The following ZBTB44 variants were observed in gnomAD, a reference collection of about 807,000 sequenced individuals.
ZBTB44 encodes zinc finger and BTB domain-containing protein 44.
ZBTB44 carries 15 observed loss-of-function variants against 54.0 expected under a neutral mutation model. The observed-to-expected ratio is 0.28, with a 90% CI of 0.19 to 0.43. The LOEUF (loss-of-function observed/expected upper bound fraction) is 0.43, where lower values mean the gene tolerates loss of function less well. Ranked by LOEUF, ZBTB44 falls within the 20% of genes least tolerant of loss-of-function variation. The pLI is 1.00. For synonymous variants in ZBTB44, 230 were observed against 250.1 expected (o/e 0.92, Z 0.76); for missense variants, 487 against 707.1 (o/e 0.69, Z 3.53).
chr11:130,242,510 T>C (rs539128581), intron 2 of ZBTB44, among the ~76,000 whole-genome samples: 2 of 150,990 alleles, frequency 1.3e-5, no homozygotes, highest in Non-Finnish European at 2.9e-5. Flanking sequence ...AATGATTTGC[T>C]GATGATCAAT....
chr11:130,283,035 CTTTTTTTTT>C (rs531030883), intron 1 of ZBTB44, among the ~76,000 whole-genome samples: 26 of 102,416 alleles, frequency 2.5e-4, no homozygotes, highest in South Asian at 1.4e-3. Context: ...CCATTCTAAC[CTTTTTTTTT>C]TTTTTTTTTT....
At chr11:130,249,814 A>G (rs1216103148) in intron 2 of ZBTB44, among the ~76,000 whole-genome samples, 2 of 152,204 alleles carry the variant, frequency 1.3e-5, no homozygotes, top group African/African-American at 4.8e-5. Flanking sequence ...CCGGGTTTCA[A>G]GCACAAAACT....
chr11:130,283,811 C>CA lies in ZBTB44; in HGVS notation c.-56-21883dup, dbSNP rs1041385620. Among the ~76,000 whole-genome samples, 61 of 149,072 alleles carry CA rather than the reference C, an allele frequency of 4.1e-4. No homozygotes were observed. The East Asian group carries it at 5.6e-3, about 14-fold the overall frequency. ...TGAAATCCCATCTCTACTAAAAATA[C>CA]AAAAAAAAATTAGCTGGGCATGATG... is the stretch of plus-strand genomic sequence containing the variant. On this transcript the variant is annotated intron_variant, in intron 1 of 7. Coordinates refer to ENST00000357899, the MANE Select transcript of ZBTB44 (RefSeq NM_001301098.2).
Position 130,237,094 on chromosome 11 carries a change from C to T in ZBTB44, c.1268-1G>A. ...CGGTCACACTGAAATGGTTTAATTC[C>T]TGTAAATAAAGCAAAACAAAATATC... On this transcript the variant is annotated splice_acceptor_variant, in intron 4 of 7. Transcript: ENST00000357899. LOFTEE classifies it high-confidence loss of function. 2 of 1,507,278 alleles carry T rather than the reference C, an allele frequency of 1.3e-6. No homozygotes were observed. Among genetic ancestry groups the T allele is most frequent in the Non-Finnish European group, 1.8e-6 (2 of 1,126,078 alleles). 93.4% of individuals were successfully genotyped at this position (1,507,278 alleles called of 1,614,324 possible).
chr11:130,245,184 T>C (rs78029484), intron 2 of ZBTB44, among the ~76,000 whole-genome samples: 4,003 of 152,324 alleles, frequency 0.026, 73 homozygotes, highest in Non-Finnish European at 0.04. Context: ...CTGGTGTATG[T>C]GTAGCATTTC....
intron 2 of ZBTB44, among the ~76,000 whole-genome samples, chr11:130,258,799 C>T (rs929621101): frequency 3.3e-5 from 5 of 152,054 alleles, no homozygotes; most frequent in African/African-American, 1.2e-4. Flanking sequence ...ATGGATGAAA[C>T]CAACAAAGTA....
chr11:130,253,419 C>CCAATAA (rs1565653839), intron 2 of ZBTB44, among the ~76,000 whole-genome samples: 2 of 152,092 alleles, frequency 1.3e-5, no homozygotes, highest in Non-Finnish European at 2.9e-5. Context: ...TTCTTATATA[C>CCAATAA]CAATAACAGA....
intron 1 of ZBTB44, chr11:130,310,615 G>A (rs1942542812): frequency 6.6e-6 from 1 of 152,144 alleles, no homozygotes; most frequent in South Asian, 2.1e-4. Context: ...AACATAATTT[G>A]TCTATTGCTA....
rs186186653 is a variant in ZBTB44, at chr11:130,268,471, T to C, written c.-56-6542A>G. ...AAGTATTTTTAAGATATTTGAAAAA[T>C]GTGCCAAGTATAGTGGCATGCAGCT... On this transcript the variant is annotated intron_variant, in intron 1 of 7. Transcript: ENST00000357899. Among the ~76,000 whole-genome samples the C allele has an allele frequency of 8.6e-3, 1,316 of 152,228 alleles. 9 individuals are homozygous for C. Among genetic ancestry groups the C allele is most frequent in the African/African-American group, 0.021 (893 of 41,540 alleles).
rs1241898727 is a variant in ZBTB44, at chr11:130,249,842, G to C, written c.1019-9946C>G. 2.6e-5 allele frequency among the ~76,000 whole-genome samples: 4 copies of C among 152,206 alleles called. No individual in the cohort carries two copies. In the East Asian group the frequency reaches 7.7e-4, roughly 29 times the overall value. On this transcript the variant is annotated intron_variant, in intron 2 of 7. Transcript: ENST00000357899. ...ACAAAACTGGGCGGCTGTTTGGGCA[G>C]ACACCAAGCTAGCTCTTCTTTTTTC... is the stretch of plus-strand genomic sequence containing the variant.
At chr11:130,294,756 A>C (rs537597610) in intron 1 of ZBTB44, among the ~76,000 whole-genome samples, 4 of 152,142 alleles carry the variant, frequency 2.6e-5, no homozygotes, top group Admixed American at 2.6e-4. Flanking sequence ...AAAACAGGTT[A>C]ATCAGAGTAC....
intron 1 of ZBTB44, 81 bp from the exon 2 acceptor site, chr11:130,262,010 G>A: frequency 9.5e-7 from 1 of 1,048,240 alleles, no homozygotes; most frequent in Non-Finnish European, 1.3e-6. Context: ...TGTGGCCACT[G>A]TACTAAATTA....
intron 2 of ZBTB44, among the ~76,000 whole-genome samples, chr11:130,253,366 A>G (rs1352783506): frequency 2.0e-5 from 3 of 152,384 alleles, no homozygotes; most frequent in East Asian, 3.9e-4. Flanking sequence ...CAACTTCAGC[A>G]AAGTCTCTGG....
At chr11:130,305,976 A>G (rs1942244553) in intron 1 of ZBTB44, among the ~76,000 whole-genome samples, 1 of 152,268 alleles carries the variant, frequency 6.6e-6, no homozygotes, top group Non-Finnish European at 1.5e-5. Flanking sequence ...CTCAAATGAT[A>G]TAAAAACAGC....
chr11:130,232,164 T>C (rs1389261342), intron 7 of ZBTB44: 2 of 152,086 alleles, frequency 1.3e-5, no homozygotes, highest in Non-Finnish European at 2.9e-5. Flanking sequence ...AATTACAGAA[T>C]TAGCCAATCT....
At chr11:130,282,847 T>C (rs1202394149) in intron 1 of ZBTB44, among the ~76,000 whole-genome samples, 3 of 152,030 alleles carry the variant, frequency 2.0e-5, no homozygotes, top group Admixed American at 2.0e-4. Context: ...GGCAAGGAGA[T>C]TTTTGTTTAA....
At chr11:130,305,640 G>A (rs1942225258) in intron 1 of ZBTB44, among the ~76,000 whole-genome samples, 1 of 152,110 alleles carries the variant, frequency 6.6e-6, no homozygotes, top group Non-Finnish European at 1.5e-5. Context: ...CTTAAGGCCT[G>A]AAACCATAAA....
rs974294553 is a variant in ZBTB44, at chr11:130,228,098, G to A, written c.*3666C>T. The A allele has an allele frequency of 6.6e-6, 1 of 152,170 alleles. No individual in the cohort carries two copies. The highest frequency in any genetic ancestry group is 1.5e-5 in the Non-Finnish European group (1 of 68,034). The allele number at this position is 152,170 out of a possible 1,614,324, so 9.4% of individuals were successfully genotyped here. ...ATACTATCCTCCAAGTTGGACATAA[G>A]GTGCCACAAGGCTGCCCTACAAAGA... On this transcript the variant is annotated 3_prime_UTR_variant, in exon 8 of 8. Transcript: ENST00000357899.
intron 1 of ZBTB44, among the ~76,000 whole-genome samples, chr11:130,262,584 G>GT (rs1938953085): frequency 6.6e-6 from 1 of 152,144 alleles, no homozygotes; most frequent in Non-Finnish European, 1.5e-5. Flanking sequence ...ATCAGTAGGC[G>GT]TATTATCATT....
Sources: allele counts gnomAD v4.1 joint callset (sites outside exome capture counted in the v4.1 genomes callset), GRCh38; gene constraint gnomAD v4.1.1; transcripts MANE v1.5; gene names NCBI Gene and HGNC (gene_info 2026-07-23, HGNC 2026-07-21).